Variants in IGSF10 observed in about 807,000 individuals in gnomAD.
The protein encoded by IGSF10 is immunoglobulin superfamily member 10, also known as calvaria mechanical force protein 608.
In IGSF10, 126 loss-of-function variants were observed where a neutral mutation model predicts 128.2. The observed-to-expected ratio is 0.98, with a 90% confidence interval of 0.85 to 1.14. IGSF10 has a LOEUF of 1.14. Ranked by LOEUF, IGSF10 falls within the 50% of genes most tolerant of loss-of-function variation. The pLI, the probability that IGSF10 is intolerant of heterozygous loss-of-function variation, is 0.00. For synonymous variants in IGSF10, 1,185 were observed against 1,146.2 expected, an observed-to-expected ratio of 1.03 and a Z score of -0.68; for missense variants, 3,295 against 3,149.8, an observed-to-expected ratio of 1.05 and a Z score of -1.10.
chr3:151,496,340 C>A, the IGSF10 span, among the ~76,000 whole-genome samples: 1 of 145,330 alleles, frequency 6.9e-6, no homozygotes, highest in African/African-American at 2.6e-5. Context: ...TAATGCTATC[C>A]TTCCCCCCTC....
chr3:151,492,691 C>T, the IGSF10 span, among the ~76,000 whole-genome samples: 11 of 152,192 alleles, frequency 7.2e-5, no homozygotes, highest in South Asian at 2.3e-3. Context: ...GCACTCCAGC[C>T]TGGGTGACAG....
chr3:151,458,618 C>A lies in IGSF10; in HGVS notation c.92G>T (p.Arg31Leu). The change falls in exon 3 of 8, where the codon CGC becomes CTC. Residue 31 changes from arginine (R) to leucine (L), a missense_variant. Arg to Leu is a moderately radical substitution (Grantham distance 102). Transcript: ENST00000282466. ...VATPGGKACP[R>L]RCACYMPTEV... ...CGTAGGCATATAACAGGCACAGCGG[C>A]GAGGACAGGCCTTGCCCCCAGGGGT... 6.2e-7 allele frequency: 1 copy of A among 1,614,136 alleles called. No homozygotes were observed. The highest frequency in any genetic ancestry group is 2.2e-5 in the East Asian group (1 of 44,882).
the IGSF10 span, among the ~76,000 whole-genome samples, chr3:151,588,511 CA>C: frequency 6.6e-6 from 1 of 152,140 alleles, no homozygotes; most frequent in Non-Finnish European, 1.5e-5. Context: ...TTGGGAAATG[CA>C]TATACACACT....
At chr3:151,488,866 A>T in the IGSF10 span, among the ~76,000 whole-genome samples, 4 of 152,232 alleles carry the variant, frequency 2.6e-5, no homozygotes, top group African/African-American at 9.6e-5. Context: ...AAAACCATAA[A>T]ATCCCTAGAA....
At chr3:151,594,957 C>T in the IGSF10 span, among the ~76,000 whole-genome samples, 4 of 151,434 alleles carry the variant, frequency 2.6e-5, no homozygotes, top group African/African-American at 9.7e-5. Context: ...CGACAAGGAC[C>T]TAAACAGACA....
chr3:151,465,908 C>T (rs1462438612), upstream of IGSF10, among the ~76,000 whole-genome samples: 1 of 152,204 alleles, frequency 6.6e-6, no homozygotes, highest in Non-Finnish European at 1.5e-5. Flanking sequence ...TCCTAGCAGT[C>T]ATACTTCAAC....
the IGSF10 span, among the ~76,000 whole-genome samples, chr3:151,603,882 C>G: frequency 6.6e-6 from 1 of 152,192 alleles, no homozygotes; most frequent in African/African-American, 2.4e-5. Flanking sequence ...AAAATACTTT[C>G]CTCCTGGGGG....
At chr3:151,596,509 G>A in the IGSF10 span, among the ~76,000 whole-genome samples, 2 of 152,016 alleles carry the variant, frequency 1.3e-5, no homozygotes. Flanking sequence ...TTGTGTATGT[G>A]TTTTCTATGC....
At chr3:151,454,357 G>T (rs1174990374) in intron 4 of IGSF10, among the ~76,000 whole-genome samples, 2 of 152,162 alleles carry the variant, frequency 1.3e-5, no homozygotes, top group African/African-American at 4.8e-5. Context: ...GAATGATATT[G>T]TGGTTATTTT....
the IGSF10 span, among the ~76,000 whole-genome samples, chr3:151,484,770 G>A: frequency 6.7e-6 from 1 of 148,286 alleles, no homozygotes; most frequent in African/African-American, 2.5e-5. Context: ...CAACAAAAAG[G>A]ACGTCTACTC....
chr3:151,478,134 A>T, the IGSF10 span, among the ~76,000 whole-genome samples: 1 of 152,192 alleles, frequency 6.6e-6, no homozygotes, highest in Non-Finnish European at 1.5e-5. Flanking sequence ...TAAAACCTTA[A>T]AGCCCCTTAA....
At chr3:151,491,540 T>A in the IGSF10 span, among the ~76,000 whole-genome samples, 3 of 152,286 alleles carry the variant, frequency 2.0e-5, no homozygotes, top group South Asian at 4.1e-4. Flanking sequence ...ATTGTGCCAC[T>A]GCACTCCAAC....
the IGSF10 span, among the ~76,000 whole-genome samples, chr3:151,510,105 T>A: frequency 6.6e-6 from 1 of 152,190 alleles, no homozygotes; most frequent in Admixed American, 6.5e-5. Flanking sequence ...AATGTCCCTG[T>A]CTGACAGCTT....
the IGSF10 span, among the ~76,000 whole-genome samples, chr3:151,577,763 G>C: frequency 6.6e-6 from 1 of 151,982 alleles, no homozygotes; most frequent in African/African-American, 2.4e-5. Flanking sequence ...ATGCATCAGA[G>C]AGTTGAGTTA....
chr3:151,539,998 T>C, the IGSF10 span, among the ~76,000 whole-genome samples: 1 of 152,126 alleles, frequency 6.6e-6, no homozygotes, highest in African/African-American at 2.4e-5. Flanking sequence ...AAATAAGTTT[T>C]TCATCCCCTT....
At chr3:151,593,024 T>C in the IGSF10 span, among the ~76,000 whole-genome samples, 1 of 152,246 alleles carries the variant, frequency 6.6e-6, no homozygotes, top group African/African-American at 2.4e-5. Flanking sequence ...ATAACTGCTT[T>C]GGTTCCATTA....
chr3:151,582,952 G>A, the IGSF10 span, among the ~76,000 whole-genome samples: 1 of 152,090 alleles, frequency 6.6e-6, no homozygotes, highest in South Asian at 2.1e-4. Context: ...CTTTATTCCA[G>A]AAAATATCTT....
At chr3:151,514,232 T>C in the IGSF10 span, among the ~76,000 whole-genome samples, 49,438 of 151,642 alleles carry the variant, frequency 0.33, 8,810 homozygotes, top group Middle Eastern at 0.45. Context: ...TACTACAAGG[T>C]TACAGTAACC....
At chr3:151,435,082 T>TC (rs1719978486), downstream of IGSF10, 1 of 81,484 alleles carries the variant, frequency 1.2e-5, no homozygotes, top group Admixed American at 1.1e-4. Flanking sequence ...TTTTTTTTTT[T>TC]CTTTTCTTGC....
Sources: allele counts gnomAD v4.1 joint callset (sites outside exome capture counted in the v4.1 genomes callset), GRCh38; gene constraint gnomAD v4.1.1; transcripts MANE v1.5; gene names NCBI Gene and HGNC (gene_info 2026-07-23, HGNC 2026-07-21).